PKP4: variants seen among roughly 807,000 people sequenced by gnomAD.
The protein encoded by PKP4 is plakophilin 4.
Under a neutral mutation model 145.1 loss-of-function variants are expected in PKP4, and 90 were observed. The observed-to-expected ratio is 0.62, with a 90% confidence interval of 0.52 to 0.74. The LOEUF is 0.74. Among genes scored for constraint, PKP4 ranks in the 30% least tolerant of loss-of-function variants. The probability of loss-of-function intolerance (pLI) is 0.00; values close to 1 mark genes in which losing one functional copy is unlikely to be tolerated. For missense variants in PKP4, 1,340 were observed against 1,482.7 expected (o/e 0.90, Z 1.58); for synonymous variants, 563 against 577.2 (o/e 0.98, Z 0.35).
chr2:158,531,413 T>C (rs1242253395), intron 1 of PKP4, among the ~76,000 whole-genome samples: 1 of 152,220 alleles, frequency 6.6e-6, no homozygotes, highest in African/African-American at 2.4e-5. Flanking sequence ...CTGCTTATTT[T>C]AAGGTGTGTA....
intron 2 of PKP4, among the ~76,000 whole-genome samples, chr2:158,547,743 A>G (rs930043854): frequency 6.6e-6 from 1 of 152,238 alleles, no homozygotes; most frequent in Non-Finnish European, 1.5e-5. Context: ...GGCTTAAACT[A>G]GATTATCGGC....
intron 16 of PKP4, 26 bp downstream of exon 16, chr2:158,666,589 G>T: frequency 6.4e-7 from 1 of 1,564,126 alleles, no homozygotes; most frequent in Middle Eastern, 1.7e-4. Context: ...AAGATGAGCT[G>T]TAAATGTGAG....
At chr2:158,467,517 A>G (rs1435176284) in intron 1 of PKP4, among the ~76,000 whole-genome samples, 1 of 140,412 alleles carries the variant, frequency 7.1e-6, no homozygotes, top group African/African-American at 2.7e-5. Context: ...TCACCACTGC[A>G]CTCTATCCTG....
chr2:158,512,280 T>C (rs2041584662), intron 1 of PKP4, among the ~76,000 whole-genome samples: 3 of 152,264 alleles, frequency 2.0e-5, no homozygotes, highest in Admixed American at 1.3e-4. Flanking sequence ...AAACAAAATC[T>C]GTAAACAGAT....
chr2:158,511,268 C>A (rs2041493694), intron 1 of PKP4, among the ~76,000 whole-genome samples: 1 of 152,104 alleles, frequency 6.6e-6, no homozygotes, highest in African/African-American at 2.4e-5. Flanking sequence ...CACCTGTAAT[C>A]CCAGCTACTT....
chr2:158,640,698 A>T lies in PKP4; in HGVS notation c.1634A>T (p.Gln545Leu), dbSNP rs200346653. 94 of 1,613,986 alleles carry T rather than the reference A, an allele frequency of 5.8e-5. No individual in the cohort carries two copies. Among genetic ancestry groups the T allele is most frequent in the Admixed American group, 3.3e-5 (2 of 59,994 alleles). Residue 545 changes from glutamine to leucine, a missense_variant, in exon 10 of 22, where the codon CAG (glutamine) becomes CTG (leucine). Coordinates refer to ENST00000389759, the MANE Select transcript of PKP4 (RefSeq NM_003628.6). ...CTTCAGCACCAGTTCCCATCTGTTC[A>T]GGCAAATGCAGCGGCCTACCTGCAG... ...HMLQHQFPSVQANAAAYLQHL... is the reference protein window; with the variant it reads ...HMLQHQFPSVLANAAAYLQHL...
At chr2:158,499,847 T>TA (rs1320701553) in intron 1 of PKP4, among the ~76,000 whole-genome samples, 2 of 152,218 alleles carry the variant, frequency 1.3e-5, no homozygotes, top group African/African-American at 4.8e-5. Context: ...TGTTGGGACA[T>TA]ACAGAATATA....
chr2:158,677,523 A>ATAAC (rs1161614525), intron 20 of PKP4, among the ~76,000 whole-genome samples: 1 of 152,230 alleles, frequency 6.6e-6, no homozygotes. Flanking sequence ...TCTGGCGATT[A>ATAAC]TAACTACTTT....
At chr2:158,608,869 G>A (rs1356237711) in intron 4 of PKP4, among the ~76,000 whole-genome samples, 4 of 120,952 alleles carry the variant, frequency 3.3e-5, no homozygotes, top group Admixed American at 1.2e-4. Context: ...GCCGAAGTTC[G>A]GTGGCGCCAT....
chr2:158,657,331 A>C (rs1169005516), intron 11 of PKP4, among the ~76,000 whole-genome samples: 2 of 152,214 alleles, frequency 1.3e-5, no homozygotes, highest in South Asian at 4.1e-4. Context: ...TGGTGCAAAA[A>C]TTAAGGCCCT....
chr2:158,470,867 A>G (rs563269448), intron 1 of PKP4, among the ~76,000 whole-genome samples: 2 of 152,146 alleles, frequency 1.3e-5, no homozygotes, highest in African/African-American at 4.8e-5. Flanking sequence ...AAGGCCTCCC[A>G]CTGAGTGCGG....
intron 1 of PKP4, among the ~76,000 whole-genome samples, chr2:158,477,785 C>T (rs948047080): frequency 1.3e-5 from 2 of 152,134 alleles, no homozygotes; most frequent in African/African-American, 4.8e-5. Context: ...ATCGAGGCTG[C>T]AGTACACTGT....
chr2:158,612,653 A>G (rs1373804123), intron 4 of PKP4, among the ~76,000 whole-genome samples: 1 of 152,236 alleles, frequency 6.6e-6, no homozygotes, highest in African/African-American at 2.4e-5. Flanking sequence ...GTAAATCTTC[A>G]TGATTATTTA....
At chr2:158,603,027 CAAAAT>C (rs1184179044) in intron 3 of PKP4, 38 bp from the exon 4 acceptor site, 3 of 1,270,180 alleles carry the variant, frequency 2.4e-6, no homozygotes, top group African/African-American at 1.5e-5. Context: ...AATTTTATGA[CAAAAT>C]AAATAAATGT....
In PKP4 at chr2:158,461,990, A is replaced by G. The variant is rs764759970; in HGVS notation, c.-6+4772A>G. Among the ~76,000 whole-genome samples, 60 of 152,364 alleles carry G rather than the reference A, an allele frequency of 3.9e-4. 1 individual carries two copies. In the Middle Eastern group the frequency reaches 0.014, roughly 35 times the overall value. ...GGGTTTGACACAAAAATGATACTGT[A>G]TATGAAGGTTAGGTAAAATATGTAT... On this transcript the variant is annotated intron_variant, in intron 1 of 21. Transcript: ENST00000389759.
chr2:158,502,875 TTCTC>T (rs1696792449), intron 1 of PKP4, among the ~76,000 whole-genome samples: 1 of 152,232 alleles, frequency 6.6e-6, no homozygotes, highest in Admixed American at 6.5e-5. Context: ...GAATAGTAAG[TTCTC>T]TCTGTTTTAA....
In PKP4 at chr2:158,480,954, T is replaced by G. The variant is rs867196919; in HGVS notation, c.-6+23736T>G. On this transcript the variant is annotated intron_variant, in intron 1 of 21. Coordinates refer to ENST00000389759, the MANE Select transcript of PKP4 (RefSeq NM_003628.6). ...CTCTTCTGGACATTTCATGATTTCATGTAAATAGAATCATGTAGTACATGT... is the reference window on the plus strand; with the variant it reads ...CTCTTCTGGACATTTCATGATTTCAGGTAAATAGAATCATGTAGTACATGT... Among the ~76,000 whole-genome samples, 3 of 152,362 alleles carry G rather than the reference T, an allele frequency of 2.0e-5. No individual in the cohort carries two copies. In the South Asian group the frequency reaches 6.2e-4, roughly 32 times the overall value.
rs74684104 is a variant in PKP4, at chr2:158,505,932, G to A, written c.-5-27248G>A. 5.7e-4 allele frequency among the ~76,000 whole-genome samples: 86 copies of A among 152,166 alleles called. 1 individual carries two copies. In the East Asian group the frequency reaches 0.014, roughly 25 times the overall value. On this transcript the variant is annotated intron_variant, in intron 1 of 21. Transcript: ENST00000389759. ...AGAAGACCATAAGTACACAGGAGGCGCATCCCTCAACTGTGAGCTTCAACA... is the reference window on the plus strand; with the variant it reads ...AGAAGACCATAAGTACACAGGAGGCACATCCCTCAACTGTGAGCTTCAACA...
intron 1 of PKP4, among the ~76,000 whole-genome samples, chr2:158,458,561 A>G (rs1020257399): frequency 5.9e-5 from 9 of 152,234 alleles, no homozygotes; most frequent in Admixed American, 2.0e-4. Context: ...CAGCAGAAAC[A>G]GGGGGCCTGA....
Sources: allele counts gnomAD v4.1 joint callset (sites outside exome capture counted in the v4.1 genomes callset), GRCh38; gene constraint gnomAD v4.1.1; transcripts MANE v1.5; gene names NCBI Gene and HGNC (gene_info 2026-07-23, HGNC 2026-07-21).